The following RIMS1 variants were observed in gnomAD, a reference collection of about 807,000 sequenced individuals.
The protein encoded by RIMS1 is regulating synaptic membrane exocytosis 1.
Under a neutral mutation model 214.1 loss-of-function variants are expected in RIMS1, and 83 were observed. The observed-to-expected ratio is 0.39, with a 90% CI of 0.32 to 0.47. RIMS1 has a LOEUF of 0.47. Ranked by LOEUF, RIMS1 falls within the 20% of genes least tolerant of loss-of-function variation. RIMS1 has a pLI of 0.99. For missense variants in RIMS1, 2,050 were observed against 2,161.8 expected (o/e 0.95, Z 1.03); for synonymous variants, 793 against 786.8 (o/e 1.01, Z -0.13).
At chr6:71,915,412 G>C (rs1221849290) in intron 1 of RIMS1, among the ~76,000 whole-genome samples, 2 of 152,100 alleles carry the variant, frequency 1.3e-5, no homozygotes, top group East Asian at 3.8e-4. Flanking sequence ...CCAGCATCAT[G>C]GAATGTGTTT....
chr6:72,398,161 C>A, intron 31 of RIMS1, 88 bp from the exon 32 acceptor site: 2 of 720,248 alleles, frequency 2.8e-6, no homozygotes, highest in Admixed American at 2.3e-5. Context: ...AGATAAAAAT[C>A]TGTAGTCTGT....
At chr6:71,887,398 G>A (rs1179171778) in intron 1 of RIMS1, among the ~76,000 whole-genome samples, 4 of 152,174 alleles carry the variant, frequency 2.6e-5, no homozygotes, top group Non-Finnish European at 5.9e-5. Flanking sequence ...CACAGATCCA[G>A]GAACCCAAAG....
intron 2 of RIMS1, among the ~76,000 whole-genome samples, chr6:71,985,309 T>C (rs1438712274): frequency 6.6e-6 from 1 of 152,088 alleles, no homozygotes; most frequent in Non-Finnish European, 1.5e-5. Flanking sequence ...GAGGGCCACT[T>C]GAGCCCAGGA....
intron 2 of RIMS1, among the ~76,000 whole-genome samples, chr6:72,036,553 A>G (rs1373982624): frequency 6.6e-6 from 1 of 152,176 alleles, no homozygotes; most frequent in African/African-American, 2.4e-5. Flanking sequence ...TTCCATCCTC[A>G]GCTCTGTAAG....
At chr6:72,393,713 C>T (rs532531763) in intron 31 of RIMS1, among the ~76,000 whole-genome samples, 6 of 151,142 alleles carry the variant, frequency 4.0e-5, no homozygotes, top group South Asian at 2.1e-4. Flanking sequence ...GGCGACAGAG[C>T]GAGACTCCGT....
At chr6:71,916,408 A>G (rs1778439226) in intron 1 of RIMS1, among the ~76,000 whole-genome samples, 1 of 152,114 alleles carries the variant, frequency 6.6e-6, no homozygotes, top group Non-Finnish European at 1.5e-5. Flanking sequence ...AGCTGAAATC[A>G]TTGTCCTACG....
At chr6:72,381,237 C>T (rs2098482025) in intron 29 of RIMS1, among the ~76,000 whole-genome samples, 1 of 152,090 alleles carries the variant, frequency 6.6e-6, no homozygotes, top group Non-Finnish European at 1.5e-5. Flanking sequence ...GGCCTGATCT[C>T]CAGCTCTTAT....
At chr6:72,332,645 C>G (rs1031558467) in intron 28 of RIMS1, among the ~76,000 whole-genome samples, 3 of 150,214 alleles carry the variant, frequency 2.0e-5, no homozygotes, top group African/African-American at 7.3e-5. Context: ...TGTAACTAAC[C>G]TGCACATTGT....
At chr6:72,275,146 A>AGG (rs2085613852) in intron 23 of RIMS1, among the ~76,000 whole-genome samples, 17 of 24,584 alleles carry the variant, frequency 6.9e-4, no homozygotes, top group Non-Finnish European at 1.1e-3. Flanking sequence ...ATATATATAT[A>AGG]TATATATATA....
In RIMS1 at chr6:72,027,907, A is replaced by C. The variant is rs79590415; in HGVS notation, c.245+58844A>C. Among the ~76,000 whole-genome samples, 109 of 152,232 alleles carry C rather than the reference A, an allele frequency of 7.2e-4. 1 individual carries two copies. The East Asian group carries it at 0.019, about 27-fold the overall frequency. Reference sequence around the variant, plus strand: ...ATAGTCTTGATTGTTGTCTTTTGCTATTCTGTTGAGGCATTAAGTATATTG... The same window carrying C: ...ATAGTCTTGATTGTTGTCTTTTGCTCTTCTGTTGAGGCATTAAGTATATTG... On this transcript the variant is annotated intron_variant, in intron 2 of 33. Coordinates refer to ENST00000521978, the MANE Select transcript of RIMS1 (RefSeq NM_014989.7).
intron 2 of RIMS1, among the ~76,000 whole-genome samples, chr6:72,046,414 A>G (rs1282231849): frequency 1.3e-5 from 2 of 152,114 alleles, no homozygotes; most frequent in Non-Finnish European, 2.9e-5. Flanking sequence ...GTTTGAAAAT[A>G]GTATTGCTGA....
intron 23 of RIMS1, among the ~76,000 whole-genome samples, chr6:72,277,181 T>A (rs377361262): frequency 9.2e-5 from 14 of 152,292 alleles, no homozygotes; most frequent in East Asian, 5.8e-4. Flanking sequence ...AGACACACAA[T>A]TTTTAGAGAA....
intron 3 of RIMS1, among the ~76,000 whole-genome samples, chr6:72,098,298 T>C (rs9442735): frequency 0.015 from 2,229 of 150,868 alleles, 56 homozygotes; most frequent in South Asian, 0.054. Context: ...TCTTTTTTTT[T>C]TTTTTTCTTT....
At position 72,237,857 on chromosome 6, in the gene RIMS1, T is replaced by C. The variant is rs2064906287; in HGVS notation, c.1892T>C (p.Leu631Pro). Residue 631 changes from leucine (L) to proline (P), a missense_variant, in exon 9 of 34, where the codon CTT becomes CCT. This residue lies in a region of RIMS1 where 111 missense variants were observed against 166.2 expected (regional missense o/e 0.67). Coordinates refer to ENST00000521978, the MANE Select transcript of RIMS1 (RefSeq NM_014989.7). ...VGGKMTDLGR[L>P]GAFITKVKKG... is the part of the protein sequence containing the mutation. Reference sequence around the variant, plus strand: ...GGAAAAATGACTGACTTAGGACGACTTGGTGCTTTCATCACCAAAGTAAAG... The same window carrying C: ...GGAAAAATGACTGACTTAGGACGACCTGGTGCTTTCATCACCAAAGTAAAG... 1.9e-6 allele frequency: 3 copies of C among 1,613,544 alleles called. No homozygotes were observed. The highest frequency in any genetic ancestry group is 2.2e-5 in the East Asian group (1 of 44,834).
At chr6:72,191,357 A>T (rs1281245290) in intron 6 of RIMS1, among the ~76,000 whole-genome samples, 3 of 152,232 alleles carry the variant, frequency 2.0e-5, no homozygotes, top group Admixed American at 6.5e-5. Context: ...GACCCCTAGA[A>T]ATTTTACTGA....
chr6:72,033,643 G>A (rs944545046), intron 2 of RIMS1, among the ~76,000 whole-genome samples: 2 of 151,846 alleles, frequency 1.3e-5, no homozygotes, highest in Admixed American at 6.6e-5. Flanking sequence ...CACTATGCCC[G>A]GCTAATTTTT....
At chr6:71,973,855 A>C (rs1401592971) in intron 2 of RIMS1, among the ~76,000 whole-genome samples, 1 of 152,162 alleles carries the variant, frequency 6.6e-6, no homozygotes, top group African/African-American at 2.4e-5. Context: ...AGAGAGAGTG[A>C]GGGACTCATA....
chr6:71,955,574 A>G (rs1475739853), intron 1 of RIMS1, among the ~76,000 whole-genome samples: 1 of 152,124 alleles, frequency 6.6e-6, no homozygotes, highest in Non-Finnish European at 1.5e-5. Flanking sequence ...TTTGTTACTG[A>G]TTTATAGTAA....
chr6:72,090,982 A>G (rs953040156), intron 2 of RIMS1, among the ~76,000 whole-genome samples: 2 of 152,182 alleles, frequency 1.3e-5, no homozygotes, highest in Non-Finnish European at 2.9e-5. Flanking sequence ...GGTGGTGCCC[A>G]TGTGCTAAGG....
Sources: allele counts gnomAD v4.1 joint callset (sites outside exome capture counted in the v4.1 genomes callset), GRCh38; gene constraint gnomAD v4.1.1; regional missense constraint gnomAD v4.1.1; transcripts MANE v1.5; gene names NCBI Gene and HGNC (gene_info 2026-07-23, HGNC 2026-07-21).